The following ZFP1 variants were observed in gnomAD, a reference collection of about 807,000 sequenced individuals.
ZFP1 encodes the protein ZFP1 zinc finger protein.
In ZFP1, 32 loss-of-function variants were observed where a neutral mutation model predicts 38.5. That is an observed-to-expected ratio of 0.83 (90% CI 0.63 to 1.12). The LOEUF (loss-of-function observed/expected upper bound fraction) is 1.12, where lower values mean the gene tolerates loss of function less well. Ranked by LOEUF, ZFP1 falls within the 50% of genes most tolerant of loss-of-function variation. The pLI is 0.00. For missense variants in ZFP1, 616 were observed against 480.8 expected, an observed-to-expected ratio of 1.28 and a Z score of -2.63; for synonymous variants, 245 against 168.8, an observed-to-expected ratio of 1.45 and a Z score of -3.50.
At chr16:75,128,728 A>C in the ZFP1 span, among the ~76,000 whole-genome samples, 1 of 152,226 alleles carries the variant, frequency 6.6e-6, no homozygotes, top group African/African-American at 2.4e-5. Context: ...TGGACAACTT[A>C]AACTTCAGAA....
At chr16:75,147,227 A>T (rs1460195631), upstream of ZFP1, among the ~76,000 whole-genome samples, 1 of 152,096 alleles carries the variant, frequency 6.6e-6, no homozygotes. Flanking sequence ...GACCCATAGA[A>T]TGTACAACAT....
At chr16:75,166,727 A>G (rs2145574107) in intron 2 of ZFP1, 43 bp from the exon 3 acceptor site, 1 of 1,613,818 alleles carries the variant, frequency 6.2e-7, no homozygotes, top group East Asian at 2.2e-5. Context: ...TTTCTATATC[A>G]CCAAATGATC....
upstream of ZFP1, chr16:75,144,219 T>C (rs2036919782): frequency 1.3e-5 from 2 of 152,348 alleles, no homozygotes; most frequent in East Asian, 3.9e-4. Context: ...TGTATGTGTG[T>C]GTGGGGGGAG....
intron 1 of ZFP1, among the ~76,000 whole-genome samples, chr16:75,149,905 A>C (rs2037101155): frequency 6.6e-6 from 1 of 151,630 alleles, no homozygotes; most frequent in Non-Finnish European, 1.5e-5. Flanking sequence ...GGGTTCAAGC[A>C]GTCCTCCTGG....
At chr16:75,147,430 A>T (rs2036966007), upstream of ZFP1, among the ~76,000 whole-genome samples, 2 of 147,174 alleles carry the variant, frequency 1.4e-5, no homozygotes, top group African/African-American at 5.0e-5. Context: ...GGTGCGTGCC[A>T]CCATGCCCGG....
At chr16:75,149,327 T>C (rs2037060911) in intron 1 of ZFP1, 1 of 152,212 alleles carries the variant, frequency 6.6e-6, no homozygotes. Flanking sequence ...GATTTTGCCA[T>C]GTATACGTTT....
At chr16:75,135,557 A>G in the ZFP1 span, among the ~76,000 whole-genome samples, 1 of 152,184 alleles carries the variant, frequency 6.6e-6, no homozygotes, top group Non-Finnish European at 1.5e-5. Flanking sequence ...TGGTAAGCCC[A>G]GGAGTTCAAA....
chr16:75,153,993 C>T (rs964998634), intron 2 of ZFP1, among the ~76,000 whole-genome samples: 7 of 152,090 alleles, frequency 4.6e-5, no homozygotes, highest in Non-Finnish European at 1.0e-4. Context: ...TAGAAATATG[C>T]ATTTAAGGTT....
At chr16:75,163,035 G>T (rs545280014) in intron 2 of ZFP1, among the ~76,000 whole-genome samples, 1 of 151,492 alleles carries the variant, frequency 6.6e-6, no homozygotes, top group South Asian at 2.1e-4. Flanking sequence ...TCAGCCTCCC[G>T]AGTAGCTGGG....
the ZFP1 span, among the ~76,000 whole-genome samples, chr16:75,133,518 T>A: frequency 2.6e-5 from 4 of 152,190 alleles, no homozygotes; most frequent in African/African-American, 4.8e-5. Context: ...TGAGAACCTG[T>A]GTTTTCTGTT....
rs1224413901 is a variant in ZFP1 at position 75,170,276 on chromosome 16, T to G, written c.1166T>G (p.Phe389Cys). 2 of 1,611,740 alleles carry G rather than the reference T, an allele frequency of 1.2e-6. No individual in the cohort carries two copies. Among genetic ancestry groups the G allele is most frequent in the Non-Finnish European group, 8.5e-7 (1 of 1,178,670 alleles). ...PYECSECGKAFSRKSRLSVHQ... is the reference protein window; with the variant it reads ...PYECSECGKACSRKSRLSVHQ... ...GAGTGTTCCGAATGTGGGAAGGCCTTTAGCAGGAAGTCCCGACTCAGTGTC... is the reference window on the plus strand; with the variant it reads ...GAGTGTTCCGAATGTGGGAAGGCCTGTAGCAGGAAGTCCCGACTCAGTGTC... The change falls in exon 4 of 4, where the codon TTT becomes TGT. Residue 389 changes from phenylalanine to cysteine, a missense_variant. Phe to Cys is a radical substitution (Grantham distance 205, BLOSUM62 -2). Transcript: ENST00000570010.
intron 1 of ZFP1, among the ~76,000 whole-genome samples, chr16:75,149,609 G>C (rs752290246): frequency 6.7e-5 from 9 of 133,360 alleles, no homozygotes; most frequent in Non-Finnish European, 1.4e-4. Flanking sequence ...GTCCAGGCTG[G>C]AGTGCAGTGG....
Position 75,169,194 on chromosome 16 carries a change from C to T in ZFP1, c.143-59C>T, listed in dbSNP as rs200912227. 293 of 1,519,764 alleles carry T rather than the reference C, an allele frequency of 1.9e-4. 3 individuals carry two copies. The South Asian group carries it at 3.5e-3, about 18-fold the overall frequency. 94.1% of individuals were successfully genotyped at this position (1,519,764 alleles called of 1,614,324 possible). ...AGAACACGTGTGAAGACTTCCCATT[C>T]GGTAACATTATAGCGGAGGCATTGA... On this transcript the variant is annotated intron_variant, in intron 3 of 3. Coordinates refer to ENST00000570010, the MANE Select transcript of ZFP1 (RefSeq NM_153688.4).
At position 75,172,152 on chromosome 16, in the gene ZFP1, G is replaced by C. The variant is rs1033347455; in HGVS notation, c.*1818G>C. The C allele has an allele frequency of 6.6e-6, 1 of 152,170 alleles. No homozygotes were observed. The highest frequency in any genetic ancestry group is 2.4e-5 in the African/African-American group (1 of 41,448). The allele number at this position is 152,170 out of a possible 1,614,324, so 9.4% of individuals were successfully genotyped here. ...GGGAACAAACTCCAAACTTCTCTAG[G>C]TCAAATGAGGAAAGCAAGAGGGGAG... On this transcript the variant is annotated 3_prime_UTR_variant, in exon 4 of 4. Coordinates refer to ENST00000570010, the MANE Select transcript of ZFP1 (RefSeq NM_153688.4).
chr16:75,138,920 C>T, the ZFP1 span, among the ~76,000 whole-genome samples: 1 of 152,176 alleles, frequency 6.6e-6, no homozygotes, highest in Non-Finnish European at 1.5e-5. Flanking sequence ...GAAATTAATG[C>T]CAGATCCTTG....
chr16:75,150,693 T>G (rs1457571589), intron 1 of ZFP1, among the ~76,000 whole-genome samples: 4 of 152,130 alleles, frequency 2.6e-5, no homozygotes. Context: ...CCTCCCAAAG[T>G]GCTTTACAGG....
Position 75,170,309 on chromosome 16 carries a change from G to C in ZFP1, c.1199G>C (p.Arg400Thr). Residue 400 changes from arginine (R) to threonine (T), a missense_variant, in exon 4 of 4, where the codon AGA (arginine) becomes ACA (threonine). Arg to Thr is a moderately conservative substitution (Grantham distance 71, BLOSUM62 -1). Transcript: ENST00000570010. ...AAGTCCCGACTCAGTGTCCATCAGA[G>C]AGTTCACATCGGGGAGAAACCCTGA... ...SRKSRLSVHQ[R>T]VHIGEKP 1 of 1,596,628 alleles carries C rather than the reference G, an allele frequency of 6.3e-7. No individual in the cohort carries two copies. The highest frequency in any genetic ancestry group is 8.5e-7 in the Non-Finnish European group (1 of 1,170,574).
At chr16:75,168,452 C>G (rs1162830936) in intron 3 of ZFP1, among the ~76,000 whole-genome samples, 1 of 151,944 alleles carries the variant, frequency 6.6e-6, no homozygotes, top group Non-Finnish European at 1.5e-5. Flanking sequence ...GCACTCCAGC[C>G]TGGGCAAATG....
In ZFP1 at chr16:75,170,084, A is replaced by C; in HGVS notation, c.974A>C (p.Glu325Ala). 1 of 1,614,192 alleles carries C rather than the reference A, an allele frequency of 6.2e-7. No individual in the cohort carries two copies. Among genetic ancestry groups the C allele is most frequent in the Non-Finnish European group, 8.5e-7 (1 of 1,180,006 alleles). ...QKIHTGEKRY[E>A]CSECGKSFIQ... is the part of the protein sequence containing the mutation. Reference sequence around the variant, plus strand: ...ATTCACACGGGGGAGAAACGCTATGAGTGCAGTGAATGTGGAAAATCCTTT... The same window carrying C: ...ATTCACACGGGGGAGAAACGCTATGCGTGCAGTGAATGTGGAAAATCCTTT... Residue 325 changes from glutamate (E) to alanine (A), a missense_variant, in exon 4 of 4, where the codon GAG becomes GCG. Glu to Ala is a moderately radical substitution (Grantham distance 107). Transcript: ENST00000570010.
Sources: gnomAD v4.1 joint callset for allele counts (sites outside exome capture counted in the v4.1 genomes callset) on GRCh38, gnomAD v4.1.1 for gene constraint, MANE v1.5 for transcripts, NCBI Gene and HGNC (gene_info 2026-07-23, HGNC 2026-07-21) for gene names.